CPNE4: variants seen among roughly 807,000 people sequenced by gnomAD.
CPNE4 encodes copine 4, also known as copine-4.
Under a neutral mutation model 67.9 loss-of-function variants are expected in CPNE4, and 25 were observed. The observed-to-expected ratio is 0.37, with a 90% confidence interval of 0.27 to 0.51. The LOEUF (loss-of-function observed/expected upper bound fraction) is 0.51. CPNE4 is among the 20% of genes least tolerant of loss of function. CPNE4 has a pLI of 0.93. For synonymous variants in CPNE4, 242 were observed against 244.9 expected (o/e 0.99, Z 0.11); for missense variants, 464 against 690.8 (o/e 0.67, Z 3.68).
At chr3:131,895,217 G>A (rs1291514956) in intron 2 of CPNE4, among the ~76,000 whole-genome samples, 2 of 151,992 alleles carry the variant, frequency 1.3e-5, no homozygotes, top group Non-Finnish European at 2.9e-5. Context: ...GAGAAGGGGA[G>A]GAGAGAGGAG....
At chr3:131,724,426 G>A (rs1290866964) in intron 2 of CPNE4, among the ~76,000 whole-genome samples, 4 of 152,020 alleles carry the variant, frequency 2.6e-5, no homozygotes, top group African/African-American at 9.7e-5. Flanking sequence ...TTTTTCAGTT[G>A]TCCCCCTCTC....
intron 1 of CPNE4, among the ~76,000 whole-genome samples, chr3:131,993,166 A>G (rs936208070): frequency 1.6e-4 from 22 of 135,676 alleles, no homozygotes; most frequent in African/African-American, 5.4e-4. Flanking sequence ...TGCAATAAGG[A>G]GTTAGGTCCA....
At chr3:131,660,245 T>A (rs973271976) in intron 7 of CPNE4, among the ~76,000 whole-genome samples, 1 of 152,206 alleles carries the variant, frequency 6.6e-6, no homozygotes, top group Non-Finnish European at 1.5e-5. Flanking sequence ...TTTTCACTAA[T>A]GAAAAAGTTA....
At chr3:131,839,266 G>A (rs1583300817) in intron 2 of CPNE4, among the ~76,000 whole-genome samples, 1 of 151,736 alleles carries the variant, frequency 6.6e-6, no homozygotes, top group East Asian at 1.9e-4. Flanking sequence ...CTACATTATA[G>A]AGAATAAGTC....
intron 2 of CPNE4, among the ~76,000 whole-genome samples, chr3:131,800,546 C>G (rs1407193350): frequency 6.6e-6 from 1 of 152,154 alleles, no homozygotes; most frequent in Non-Finnish European, 1.5e-5. Flanking sequence ...AGTAGGGACT[C>G]TCTCAATTCT....
Position 131,699,979 on chromosome 3 carries a change from A to G in CPNE4, c.362T>C (p.Ile121Thr), listed in dbSNP as rs2081253136. 4 of 1,611,182 alleles carry G rather than the reference A, an allele frequency of 2.5e-6. No individual in the cohort carries two copies. The highest frequency in any genetic ancestry group is 3.4e-6 in the Non-Finnish European group (4 of 1,178,366). Residue 121 changes from isoleucine to threonine, a missense_variant and splice_region_variant, in exon 4 of 16, where the codon ATT becomes ACT. Physicochemically the swap from Ile to Thr is moderately conservative, Grantham distance 89. Coordinates refer to ENST00000429747, the MANE Select transcript of CPNE4 (RefSeq NM_130808.3). ...TTTGGACAGCTTTCTCTGGGAAACA[A>G]TCTGCAAAAAAGGAAACAAAAGGTA... Reference protein sequence around the residue: ...LGGMECTLGQIVSQRKLSKSL... With the variant: ...LGGMECTLGQTVSQRKLSKSL...
At chr3:131,886,929 G>A (rs191925819) in intron 2 of CPNE4, among the ~76,000 whole-genome samples, 3 of 152,332 alleles carry the variant, frequency 2.0e-5, no homozygotes, top group East Asian at 3.9e-4. Flanking sequence ...TGTCTCCAGT[G>A]AGACTTTGGA....
intron 5 of CPNE4, among the ~76,000 whole-genome samples, chr3:131,689,549 C>T (rs868334190): frequency 4.2e-5 from 6 of 144,368 alleles, no homozygotes; most frequent in African/African-American, 1.3e-4. Context: ...AAGGAACATA[C>T]GTGAAAATAA....
intron 2 of CPNE4, among the ~76,000 whole-genome samples, chr3:131,882,738 T>C (rs1011914926): frequency 2.6e-5 from 4 of 151,622 alleles, no homozygotes; most frequent in African/African-American, 9.7e-5. Flanking sequence ...TTTTTTTTTT[T>C]TGAGACGGAG....
intron 1 of CPNE4, among the ~76,000 whole-genome samples, chr3:131,913,991 T>C (rs2089084792): frequency 6.6e-6 from 1 of 152,224 alleles, no homozygotes; most frequent in African/African-American, 2.4e-5. Context: ...TGTTTTTTAA[T>C]TGGACCACTA....
intron 1 of CPNE4, among the ~76,000 whole-genome samples, chr3:131,976,901 A>C (rs958479311): frequency 2.6e-5 from 4 of 151,968 alleles, no homozygotes; most frequent in Admixed American, 2.6e-4. Flanking sequence ...TCCAGGGTTC[A>C]AGCGATTCTC....
At chr3:131,899,681 A>T (rs187567258) in intron 2 of CPNE4, among the ~76,000 whole-genome samples, 22 of 152,250 alleles carry the variant, frequency 1.4e-4, no homozygotes, top group African/African-American at 5.3e-4. Flanking sequence ...ACGTAAATTA[A>T]CTAATACATA....
At chr3:131,761,163 AG>A (rs2082879436) in intron 2 of CPNE4, among the ~76,000 whole-genome samples, 1 of 95,838 alleles carries the variant, frequency 1.0e-5, no homozygotes, top group Admixed American at 1.1e-4. Flanking sequence ...AGAGGGTAAG[AG>A]GGTAAGTGAT....
At chr3:131,944,708 A>G (rs1688751923) in intron 1 of CPNE4, among the ~76,000 whole-genome samples, 2 of 152,112 alleles carry the variant, frequency 1.3e-5, no homozygotes, top group African/African-American at 4.8e-5. Flanking sequence ...AATAAAATCA[A>G]TTTACATCTT....
chr3:131,807,178 T>C (rs2084348290), intron 2 of CPNE4, among the ~76,000 whole-genome samples: 1 of 152,082 alleles, frequency 6.6e-6, no homozygotes. Context: ...GAAAAGAGTA[T>C]GATGGGTGTC....
intron 2 of CPNE4, among the ~76,000 whole-genome samples, chr3:131,886,557 A>G (rs989661879): frequency 4.0e-5 from 6 of 150,894 alleles, no homozygotes; most frequent in East Asian, 2.0e-4. Context: ...TGGTAGATCT[A>G]CTGACAGTGC....
intron 7 of CPNE4, among the ~76,000 whole-genome samples, chr3:131,637,161 T>C (rs967546321): frequency 2.6e-5 from 4 of 151,864 alleles, no homozygotes; most frequent in African/African-American, 9.7e-5. Context: ...ATCATACTAG[T>C]TTAGCAGCAA....
intron 1 of CPNE4, among the ~76,000 whole-genome samples, chr3:131,907,477 T>A (rs1027319521): frequency 6.8e-6 from 1 of 146,846 alleles, no homozygotes; most frequent in Non-Finnish European, 1.5e-5. Context: ...ATGATGGCTA[T>A]GCCTCAGCAT....
At chr3:131,672,765 T>C (rs1015781268) in intron 6 of CPNE4, among the ~76,000 whole-genome samples, 5 of 152,040 alleles carry the variant, frequency 3.3e-5, no homozygotes, top group Admixed American at 6.6e-5. Context: ...AGTTGGCAAA[T>C]ATTTTCTCTC....
Sources: gnomAD v4.1 joint callset for allele counts (sites outside exome capture counted in the v4.1 genomes callset) on GRCh38, gnomAD v4.1.1 for gene constraint, MANE v1.5 for transcripts, NCBI Gene and HGNC (gene_info 2026-07-23, HGNC 2026-07-21) for gene names.